Variants in FRMPD4 observed in about 807,000 individuals in gnomAD.
FRMPD4 encodes the protein FERM and PDZ domain containing 4, also known as FERM and PDZ domain-containing protein 4.
A neutral mutation model predicts 94.1 loss-of-function variants in FRMPD4; 22 were observed. The ratio of observed to expected loss-of-function variants is 0.23; its 90% CI spans 0.17 to 0.33. The LOEUF (loss-of-function observed/expected upper bound fraction) is 0.33, where lower values mean the gene tolerates loss of function less well. Among genes scored for constraint, FRMPD4 ranks in the 10% least tolerant of loss-of-function variants. The probability of loss-of-function intolerance (pLI) is 1.00; values close to 1 mark genes in which losing one functional copy is unlikely to be tolerated. For synonymous variants in FRMPD4, 631 were observed against 548.6 expected, an observed-to-expected ratio of 1.15 and a Z score of -2.10; for missense variants, 1,111 against 1,339.9, an observed-to-expected ratio of 0.83 and a Z score of 2.67.
intron 3 of FRMPD4, among the ~76,000 whole-genome samples, chrX:11,985,267 T>A: frequency 9.0e-6 from 1 of 111,714 alleles, no homozygotes; most frequent in South Asian, 3.9e-4. Context: ...CAGGCCCTAG[T>A]TCCTGGACAA....
intron 1 of FRMPD4, among the ~76,000 whole-genome samples, chrX:12,309,811 G>A (rs987770384): frequency 1.7e-4 from 19 of 112,703 alleles, no homozygotes; most frequent in African/African-American, 5.2e-4. Context: ...TTCAGGCAGC[G>A]CATCCTTGCA....
rs1232489877 is a variant in FRMPD4, at chrX:12,723,290, A to G, written c.*1432A>G. The stretch of plus-strand genomic sequence containing the variant: ...CTGGGTCATTCAGTGCTCAAGTTAC[A>G]TGCACTCCTACTTAGACAGGTGGCT... On this transcript the variant is annotated 3_prime_UTR_variant, in exon 17 of 17. Coordinates refer to ENST00000675598, the MANE Select transcript of FRMPD4 (RefSeq NM_001368397.1). 9.0e-6 allele frequency: 1 copy of G among 111,424 alleles called. No individual in the cohort carries two copies. The highest frequency in any genetic ancestry group is 1.9e-5 in the Non-Finnish European group (1 of 53,127). 9.2% of individuals were successfully genotyped at this position (111,424 alleles called of 1,213,427 possible).
intron 1 of FRMPD4, among the ~76,000 whole-genome samples, chrX:12,317,862 A>T (rs893176748): frequency 8.9e-6 from 1 of 112,089 alleles, no homozygotes; most frequent in Non-Finnish European, 1.9e-5. Flanking sequence ...TGTTGGTGGG[A>T]ATGTACGGTC....
intron 1 of FRMPD4, among the ~76,000 whole-genome samples, chrX:12,291,230 A>G (rs2054683435): frequency 8.9e-6 from 1 of 112,417 alleles, no homozygotes. Context: ...ACTGCACGGT[A>G]ACATTTGTCA....
chrX:11,854,744 G>A (rs963347319), intron 1 of FRMPD4, among the ~76,000 whole-genome samples: 8 of 112,768 alleles, frequency 7.1e-5, no homozygotes, highest in Admixed American at 1.9e-4. Context: ...CTCCACCCCC[G>A]TGGCTTTGCA....
chrX:12,231,030 GTATATA>G (rs56948982), intron 1 of FRMPD4, among the ~76,000 whole-genome samples: 1 of 26,410 alleles, frequency 3.8e-5, no homozygotes, highest in Non-Finnish European at 7.6e-5. Context: ...TATATATATA[GTATATA>G]TATATATATA....
At chrX:12,630,015 G>A (rs979542407) in intron 4 of FRMPD4, among the ~76,000 whole-genome samples, 3 of 112,697 alleles carry the variant, frequency 2.7e-5, no homozygotes, top group African/African-American at 9.7e-5. Flanking sequence ...CAGCCTTGCG[G>A]CACTGAAACT....
intron 1 of FRMPD4, among the ~76,000 whole-genome samples, chrX:12,445,330 G>C (rs2057182410): frequency 8.9e-6 from 1 of 112,337 alleles, no homozygotes; most frequent in Non-Finnish European, 1.9e-5. Context: ...TGCTGACGTA[G>C]AGCATTCTGT....
chrX:12,256,515 C>T (rs2054116676), intron 1 of FRMPD4, among the ~76,000 whole-genome samples: 1 of 111,955 alleles, frequency 8.9e-6, no homozygotes, highest in South Asian at 3.7e-4. Context: ...GCCTTGGAGC[C>T]TCATTGCAGG....
chrX:12,490,585 C>G (rs2057783297), intron 1 of FRMPD4, among the ~76,000 whole-genome samples: 1 of 111,711 alleles, frequency 9.0e-6, no homozygotes, highest in East Asian at 2.8e-4. Flanking sequence ...CTTTTGATCA[C>G]CTATGTCATA....
At chrX:11,902,015 T>C (rs946681276) in intron 3 of FRMPD4, among the ~76,000 whole-genome samples, 1 of 112,214 alleles carries the variant, frequency 8.9e-6, no homozygotes. Context: ...TTGTTGAATG[T>C]ATAGTTTGTG....
intron 2 of FRMPD4, among the ~76,000 whole-genome samples, chrX:12,502,006 G>A (rs1051136583): frequency 1.8e-5 from 2 of 111,815 alleles, no homozygotes; most frequent in Non-Finnish European, 3.8e-5. Flanking sequence ...TTATAATACC[G>A]TATAGGCTGC....
chrX:12,324,709 T>C (rs2055259286), intron 1 of FRMPD4, among the ~76,000 whole-genome samples: 1 of 112,304 alleles, frequency 8.9e-6, no homozygotes, highest in South Asian at 3.7e-4. Flanking sequence ...GACATGAAAC[T>C]ACATTCATAA....
At chrX:12,057,110 A>G (rs1051457212) in intron 3 of FRMPD4, among the ~76,000 whole-genome samples, 1 of 112,106 alleles carries the variant, frequency 8.9e-6, no homozygotes, top group East Asian at 2.8e-4. Context: ...ATAGGCATTT[A>G]TTTTAATTAC....
At chrX:12,717,384 A>G in intron 15 of FRMPD4, 117 bp from the exon 16 acceptor site, 2 of 548,547 alleles carry the variant, frequency 3.6e-6, no homozygotes, top group Non-Finnish European at 6.0e-6. Context: ...CAGAGTCCTT[A>G]CTGAAAAGGG....
chrX:12,580,244 T>C (rs1181779782), intron 2 of FRMPD4, among the ~76,000 whole-genome samples: 1 of 111,729 alleles, frequency 9.0e-6, no homozygotes, highest in Admixed American at 9.5e-5. Context: ...ACCTATAGTT[T>C]TTCTGGCCTG....
intron 3 of FRMPD4, among the ~76,000 whole-genome samples, chrX:11,952,642 G>A (rs1350826771): frequency 1.8e-5 from 2 of 111,733 alleles, no homozygotes; most frequent in East Asian, 2.8e-4. Flanking sequence ...AAGACTCTAA[G>A]AGGGAGAAAG....
chrX:12,303,838 A>T (rs1337385005), intron 1 of FRMPD4, among the ~76,000 whole-genome samples: 1 of 112,480 alleles, frequency 8.9e-6, no homozygotes, highest in African/African-American at 3.2e-5. Flanking sequence ...AGGAAAACAG[A>T]TATTTAGAAA....
At chrX:12,403,375 C>T (rs1745384477) in intron 1 of FRMPD4, among the ~76,000 whole-genome samples, 1 of 110,826 alleles carries the variant, frequency 9.0e-6, no homozygotes, top group South Asian at 3.8e-4. Flanking sequence ...ACTTTTTTCC[C>T]CTCAAATCTC....
Sources: allele counts gnomAD v4.1 joint callset (sites outside exome capture counted in the v4.1 genomes callset), GRCh38; gene constraint gnomAD v4.1.1; transcripts MANE v1.5; gene names NCBI Gene and HGNC (gene_info 2026-07-23, HGNC 2026-07-21).